Variants in ATG3 observed in about 807,000 individuals in gnomAD.
ATG3 encodes ubiquitin-like-conjugating enzyme ATG3.
Under a neutral mutation model 50.7 loss-of-function variants are expected in ATG3, and 25 were observed. The observed-to-expected ratio is 0.49, with a 90% CI of 0.36 to 0.69. The LOEUF (loss-of-function observed/expected upper bound fraction) is 0.69, where lower values mean the gene tolerates loss of function less well. ATG3 is among the 30% of genes least tolerant of loss of function. The pLI is 0.00. For synonymous variants in ATG3, 119 were observed against 125.5 expected, an observed-to-expected ratio of 0.95 and a Z score of 0.34; for missense variants, 281 against 376.0, an observed-to-expected ratio of 0.75 and a Z score of 2.09.
intron 2 of ATG3, among the ~76,000 whole-genome samples, chr3:112,556,423 G>C (rs1259654024): frequency 6.9e-6 from 1 of 144,996 alleles, no homozygotes; most frequent in South Asian, 2.3e-4. Flanking sequence ...CCCCCCGCCC[G>C]GCCAGCCGCC....
At chr3:112,550,938 G>C (rs1376536547) in intron 3 of ATG3, among the ~76,000 whole-genome samples, 1 of 152,164 alleles carries the variant, frequency 6.6e-6, no homozygotes, top group Non-Finnish European at 1.5e-5. Context: ...GTAAACTAAA[G>C]ATTAAACAGA....
Position 112,561,757 on chromosome 3 carries a change from C to T in ATG3, c.-229G>A. The T allele has an allele frequency of 1.9e-6, 1 of 531,062 alleles. No homozygotes were observed. Among genetic ancestry groups the T allele is most frequent in the Non-Finnish European group, 3.3e-6 (1 of 303,676 alleles). The allele number at this position is 531,062 out of a possible 1,614,324, so 32.9% of individuals were successfully genotyped here. On this transcript the variant is annotated 5_prime_UTR_variant, in exon 1 of 12. Coordinates refer to ENST00000283290, the MANE Select transcript of ATG3 (RefSeq NM_022488.5). Reference sequence around the variant, plus strand: ...CGATCCTCGCACCCCAGGCAGCCCGCGACGGACCGGACCCAGCTGTCACCC... The same window carrying T: ...CGATCCTCGCACCCCAGGCAGCCCGTGACGGACCGGACCCAGCTGTCACCC...
chr3:112,548,697 C>T, intron 4 of ATG3, 57 bp from the exon 5 acceptor site: 2 of 1,434,918 alleles, frequency 1.4e-6, no homozygotes, highest in East Asian at 4.6e-5. Flanking sequence ...ACCATAAATC[C>T]ATTAGAAAGA....
intron 3 of ATG3, among the ~76,000 whole-genome samples, chr3:112,551,801 G>C (rs917031467): frequency 2.6e-5 from 4 of 151,498 alleles, no homozygotes; most frequent in African/African-American, 9.7e-5. Flanking sequence ...AGTTTTAACA[G>C]AAAATCTGGA....
Position 112,546,417 on chromosome 3 carries a change from G to A in ATG3, c.343+2116C>T, listed in dbSNP as rs187789862. ...GGATGATTCACCTCTTGGGCAGAAC[G>A]GATCAGGATAGCAGATTTTATCATG... On this transcript the variant is annotated intron_variant, in intron 5 of 11. Coordinates refer to ENST00000283290, the MANE Select transcript of ATG3 (RefSeq NM_022488.5). Among the ~76,000 whole-genome samples the A allele has an allele frequency of 1.9e-3, 286 of 152,272 alleles. 2 individuals are homozygous for A. The highest frequency in any genetic ancestry group is 6.3e-3 in the African/African-American group (261 of 41,552).
Position 112,550,275 on chromosome 3 carries a change from T to A in ATG3, c.165-13A>T. The A allele has an allele frequency of 6.3e-7, 1 of 1,597,742 alleles. No homozygotes were observed. ...TTCCCCTGTAGCCCTTTAAAAACAGTGAAAAGCACCAAAATACAAAACATA... is the reference window on the plus strand; with the variant it reads ...TTCCCCTGTAGCCCTTTAAAAACAGAGAAAAGCACCAAAATACAAAACATA... On this transcript the variant is annotated splice_polypyrimidine_tract_variant and intron_variant, in intron 3 of 11. Coordinates refer to ENST00000283290, the MANE Select transcript of ATG3 (RefSeq NM_022488.5).
intron 2 of ATG3, among the ~76,000 whole-genome samples, chr3:112,556,546 C>A (rs1236671947): frequency 6.6e-6 from 1 of 152,068 alleles, no homozygotes. Flanking sequence ...TCATTGAGAA[C>A]GGGCCATGAT....
intron 3 of ATG3, among the ~76,000 whole-genome samples, chr3:112,552,051 G>A (rs1297174033): frequency 6.6e-6 from 1 of 151,188 alleles, no homozygotes; most frequent in Non-Finnish European, 1.5e-5. Context: ...CCAGGCCACA[G>A]ATGAAAGAGT....
At chr3:112,540,537 A>ACAGG in intron 7 of ATG3, among the ~76,000 whole-genome samples, 1 of 152,208 alleles carries the variant, frequency 6.6e-6, no homozygotes, top group Non-Finnish European at 1.5e-5. Flanking sequence ...GATGTAATTT[A>ACAGG]TACTCTATCT....
chr3:112,551,982 TG>T (rs1232547680), intron 3 of ATG3, among the ~76,000 whole-genome samples: 4 of 152,094 alleles, frequency 2.6e-5, no homozygotes, highest in Non-Finnish European at 5.9e-5. Context: ...AAAGAGTAAT[TG>T]AAAAAAGCAG....
intron 11 of ATG3, chr3:112,533,572 T>A (rs1218005364): frequency 5.1e-6 from 5 of 985,300 alleles, no homozygotes; most frequent in Non-Finnish European, 6.0e-6. Context: ...ATCTAACACA[T>A]AGTAGCCGAA....
Position 112,561,475 on chromosome 3 carries a change from G to A in ATG3, c.54C>T (p.Tyr18=), listed in dbSNP as rs1459142556. Residue 18 remains tyrosine (Y), a synonymous_variant, in exon 1 of 12, where the codon TAC becomes TAT. Coordinates refer to ENST00000283290, the MANE Select transcript of ATG3 (RefSeq NM_022488.5). The part of the protein sequence containing the change: ...VKGKALEVAE[Y]LTPVLKESKF... ...GGCTTACCTTGAGGACCGGGGTCAG[G>A]TACTCAGCCACTTCCAGTGCCTTTC... 11 of 1,607,406 alleles carry A rather than the reference G, an allele frequency of 6.8e-6. No individual in the cohort carries two copies. Among genetic ancestry groups the A allele is most frequent in the African/African-American group, 2.7e-5 (2 of 74,620 alleles).
At position 112,532,704 on chromosome 3, in the gene ATG3, T is replaced by C. The variant is rs772843011; in HGVS notation, c.940A>G (p.Met314Val). The C allele has an allele frequency of 6.3e-7, 1 of 1,583,510 alleles. No individual in the cohort carries two copies. The highest frequency in any genetic ancestry group is 8.6e-7 in the Non-Finnish European group (1 of 1,164,540). ...IEYDYTRHFTM is the reference protein window; with the variant it reads ...IEYDYTRHFTV ...TAGATTTTATGCTCTCTTCATTACA[T>C]TGTGAAGTGTCTTGTGTAGTCATAT... Residue 314 changes from methionine (M) to valine (V), a missense_variant, in exon 12 of 12, where the codon ATG (methionine) becomes GTG (valine). Met to Val is a conservative substitution (Grantham distance 21). Coordinates refer to ENST00000283290, the MANE Select transcript of ATG3 (RefSeq NM_022488.5).
At chr3:112,552,144 C>T (rs1331632425) in intron 3 of ATG3, among the ~76,000 whole-genome samples, 1 of 152,054 alleles carries the variant, frequency 6.6e-6, no homozygotes, top group African/African-American at 2.4e-5. Context: ...CTTTCAACTA[C>T]AATTGAAAAA....
chr3:112,535,960 C>T (rs1933031656), intron 10 of ATG3: 1 of 152,780 alleles, frequency 6.5e-6, no homozygotes, highest in Non-Finnish European at 1.5e-5. Context: ...AAAGAAAATC[C>T]CAACTTATAA....
In ATG3 at chr3:112,537,711, A is replaced by G. The variant is rs769678621; in HGVS notation, c.666+24T>C. 5 of 1,493,188 alleles carry G rather than the reference A, an allele frequency of 3.3e-6. No homozygotes were observed. The Admixed American group carries it at 9.4e-5, about 28-fold the overall frequency. The allele number at this position is 1,493,188 out of a possible 1,614,324, so 92.5% of individuals were successfully genotyped here. On this transcript the variant is annotated intron_variant, in intron 9 of 11. Transcript: ENST00000283290. ...CCAACAATTTAAAATATTGATATTAAAATATAATGCTTTTCATTTTTACCT... is the reference window on the plus strand; with the variant it reads ...CCAACAATTTAAAATATTGATATTAGAATATAATGCTTTTCATTTTTACCT...
Position 112,537,721 on chromosome 3 carries a change from C to T in ATG3, c.666+14G>A, listed in dbSNP as rs1287773963. ...AAAATATTGATATTAAAATATAATG[C>T]TTTTCATTTTTACCTCATCATAGCC... On this transcript the variant is annotated intron_variant, in intron 9 of 11. Transcript: ENST00000283290. The T allele has an allele frequency of 3.9e-6, 6 of 1,525,448 alleles. No individual in the cohort carries two copies. The South Asian group carries it at 5.2e-5, about 13-fold the overall frequency. The allele number at this position is 1,525,448 out of a possible 1,614,324, so 94.5% of individuals were successfully genotyped here. A position where few individuals can be genotyped will look rare whatever the true frequency, so the allele number is the denominator to read the frequency against.
intron 3 of ATG3, 144 bp downstream of exon 3, chr3:112,553,136 G>T: frequency 1.5e-6 from 1 of 670,630 alleles, no homozygotes; most frequent in East Asian, 2.7e-5. Context: ...TATTTTGAAG[G>T]GGCATTGTTT....
In ATG3 at chr3:112,552,414, T is replaced by A. The variant is rs1275981263; in HGVS notation, c.164+866A>T. 4.0e-5 allele frequency among the ~76,000 whole-genome samples: 6 copies of A among 151,870 alleles called. No individual in the cohort carries two copies. The South Asian group carries it at 1.0e-3, about 26-fold the overall frequency. On this transcript the variant is annotated intron_variant, in intron 3 of 11. Transcript: ENST00000283290. The stretch of plus-strand genomic sequence containing the variant: ...TAAAATAAAAGGTATTGAAAAAAAA[T>A]AAAAACTTAAAGCCTCTTAAAAGCA...
Sources: gnomAD v4.1 joint callset for allele counts (sites outside exome capture counted in the v4.1 genomes callset) on GRCh38, gnomAD v4.1.1 for gene constraint, MANE v1.5 for transcripts, NCBI Gene and HGNC (gene_info 2026-07-23, HGNC 2026-07-21) for gene names.